Variants in SOD2 observed in about 807,000 individuals in gnomAD.
The protein encoded by SOD2 is superoxide dismutase 2.
Under a neutral mutation model 27.0 loss-of-function variants are expected in SOD2, and 11 were observed. The observed-to-expected ratio is 0.41, with a 90% CI of 0.26 to 0.67. SOD2 has a LOEUF of 0.67. Among genes scored for constraint, SOD2 ranks in the 30% least tolerant of loss-of-function variants. SOD2 has a pLI of 0.34. For synonymous variants in SOD2, 105 were observed against 103.0 expected (o/e 1.02, Z -0.12); for missense variants, 250 against 274.5 (o/e 0.91, Z 0.63).
At chr6:159,738,637 ACTT>A (rs1464192975) in intron 1 of SOD2, among the ~76,000 whole-genome samples, 1 of 152,216 alleles carries the variant, frequency 6.6e-6, no homozygotes, top group African/African-American at 2.4e-5. Flanking sequence ...GAACTGCCAT[ACTT>A]CTTCAGATAC....
At chr6:159,752,606 G>A (rs1779862266) in intron 1 of SOD2, among the ~76,000 whole-genome samples, 1 of 152,044 alleles carries the variant, frequency 6.6e-6, no homozygotes, top group African/African-American at 2.4e-5. Context: ...CGTGACCACT[G>A]GTCTTATTTT....
chr6:159,719,787 G>T (rs1208760315), intron 1 of SOD2, among the ~76,000 whole-genome samples: 1 of 148,840 alleles, frequency 6.7e-6, no homozygotes, highest in Non-Finnish European at 1.5e-5. Flanking sequence ...GCAGTCACGC[G>T]ATCTTGGCTC....
intron 1 of SOD2, among the ~76,000 whole-genome samples, chr6:159,759,327 G>A (rs1413837011): frequency 1.3e-5 from 2 of 148,820 alleles, no homozygotes; most frequent in Non-Finnish European, 3.0e-5. Flanking sequence ...CCAAAGTGCT[G>A]GGATTACAGG....
intron 1 of SOD2, among the ~76,000 whole-genome samples, chr6:159,710,602 C>A (rs1777716144): frequency 6.6e-6 from 1 of 152,128 alleles, no homozygotes; most frequent in Non-Finnish European, 1.5e-5. Context: ...TGGAGTAGCT[C>A]TTTAGTGCTC....
rs1179141721 is a variant in SOD2, at chr6:159,678,889, G to A, written c.*3604C>T. ...CTGGTGTAAAAGTATTGAGTGGTAT[G>A]TGACAACAGCAAAAACACTTTGGTT... On this transcript the variant is annotated 3_prime_UTR_variant, in exon 5 of 5. Transcript: ENST00000538183. The A allele has an allele frequency of 1.3e-5, 2 of 152,218 alleles. No homozygotes were observed. 9.4% of individuals were successfully genotyped at this position (152,218 alleles called of 1,614,324 possible). A position where few individuals can be genotyped will look rare whatever the true frequency, so the allele number is the denominator to read the frequency against.
chr6:159,751,166 A>G (rs1779805998), intron 1 of SOD2, among the ~76,000 whole-genome samples: 1 of 152,232 alleles, frequency 6.6e-6, no homozygotes, highest in Non-Finnish European at 1.5e-5. Context: ...TTTTTTCAAA[A>G]CTGTGATTTT....
At chr6:159,735,775 T>C (rs780579717) in intron 1 of SOD2, among the ~76,000 whole-genome samples, 9 of 151,922 alleles carry the variant, frequency 5.9e-5, no homozygotes, top group Non-Finnish European at 1.0e-4. Context: ...AAATATATAA[T>C]ATATCTAAAA....
chr6:159,690,032 C>A (rs1396582567), intron 2 of SOD2, among the ~76,000 whole-genome samples: 4 of 151,532 alleles, frequency 2.6e-5, no homozygotes, highest in African/African-American at 7.3e-5. Flanking sequence ...GCCTGTAATC[C>A]CAGCACTTTG....
intron 1 of SOD2, among the ~76,000 whole-genome samples, chr6:159,741,379 C>G (rs773793566): frequency 2.6e-5 from 4 of 152,136 alleles, no homozygotes; most frequent in Non-Finnish European, 5.9e-5. Context: ...TTGATACTAC[C>G]TTGAGAAGAG....
intron 1 of SOD2, among the ~76,000 whole-genome samples, chr6:159,705,485 A>G (rs1275818112): frequency 6.6e-6 from 1 of 152,394 alleles, no homozygotes; most frequent in East Asian, 1.9e-4. Context: ...CACAAGCTTC[A>G]GTAGCCGATT....
chr6:159,753,358 T>TA (rs1395572272), intron 1 of SOD2: 1 of 1,493,118 alleles, frequency 6.7e-7, no homozygotes, highest in Admixed American at 1.8e-5. Context: ...TCTGCTGTGA[T>TA]ATAGTTATGT....
intron 1 of SOD2, chr6:159,736,517 T>C (rs1398137456): frequency 9.8e-6 from 4 of 410,208 alleles, no homozygotes; most frequent in African/African-American, 6.1e-5. Context: ...TGGAAAACTT[T>C]AGTTATAATA....
intron 1 of SOD2, among the ~76,000 whole-genome samples, chr6:159,752,351 C>CT (rs934419970): frequency 4.7e-4 from 71 of 151,636 alleles, no homozygotes; most frequent in African/African-American, 1.2e-3. Context: ...GTGATCATTT[C>CT]TTTTTTTTTC....
chr6:159,715,268 G>T (rs1015207440), intron 1 of SOD2, among the ~76,000 whole-genome samples: 1 of 151,952 alleles, frequency 6.6e-6, no homozygotes, highest in Admixed American at 6.6e-5. Flanking sequence ...CAAATGAGTG[G>T]GATAGAGAAA....
At chr6:159,752,759 C>T (rs796436529) in intron 1 of SOD2, among the ~76,000 whole-genome samples, 4 of 152,254 alleles carry the variant, frequency 2.6e-5, no homozygotes, top group African/African-American at 9.6e-5. Flanking sequence ...TTCCCTCTCT[C>T]CTCCTCTTTT....
At chr6:159,754,093 C>G (rs113409941) in intron 1 of SOD2, among the ~76,000 whole-genome samples, 1 of 152,156 alleles carries the variant, frequency 6.6e-6, no homozygotes, top group African/African-American at 2.4e-5. Context: ...AGCCTCCATC[C>G]TTTTTAGTGC....
chr6:159,683,168 C>G (rs1295717989), intron 4 of SOD2, among the ~76,000 whole-genome samples: 6 of 152,174 alleles, frequency 3.9e-5, no homozygotes, highest in Non-Finnish European at 5.9e-5. Flanking sequence ...GAATTTAGTT[C>G]TATCTGTAAA....
chr6:159,688,023 C>T, intron 3 of SOD2, 103 bp downstream of exon 3: 1 of 753,512 alleles, frequency 1.3e-6, no homozygotes, highest in South Asian at 1.6e-5. Flanking sequence ...AAAAAAACAA[C>T]AACAAAAAAA....
intron 1 of SOD2, among the ~76,000 whole-genome samples, chr6:159,702,670 A>G (rs1224599514): frequency 6.7e-6 from 1 of 148,516 alleles, no homozygotes; most frequent in Non-Finnish European, 1.5e-5. Flanking sequence ...AAAAAAAAAA[A>G]AAAAAAAAAG....
Sources: gnomAD v4.1 joint callset for allele counts (sites outside exome capture counted in the v4.1 genomes callset) on GRCh38, gnomAD v4.1.1 for gene constraint, MANE v1.5 for transcripts, NCBI Gene and HGNC (gene_info 2026-07-23, HGNC 2026-07-21) for gene names.